The following ESYT3 variants were observed in gnomAD, a reference collection of about 807,000 sequenced individuals.
ESYT3 encodes extended synaptotagmin 3, also known as extended synaptotagmin-3.
In ESYT3, 101 loss-of-function variants were observed where a neutral mutation model predicts 111.5. The observed-to-expected ratio is 0.91, with a 90% CI of 0.77 to 1.07. The LOEUF is 1.07. Ranked by LOEUF, ESYT3 falls within the 50% of genes least tolerant of loss-of-function variation. The pLI is 0.00. For missense variants in ESYT3, 1,097 were observed against 1,109.4 expected, an observed-to-expected ratio of 0.99 and a Z score of 0.16; for synonymous variants, 416 against 446.8, an observed-to-expected ratio of 0.93 and a Z score of 0.87.
At position 138,473,556 on chromosome 3, in the gene ESYT3, G is replaced by A. The variant is rs758095653; in HGVS notation, c.2258G>A (p.Arg753Gln). ...TACAGAGGTGGGGACCTCAGGCGACGGCAGCTGGGTGAGATTCAGCTCACA... is the reference window on the plus strand; with the variant it reads ...TACAGAGGTGGGGACCTCAGGCGACAGCAGCTGGGTGAGATTCAGCTCACA... ...LNIEGGDLRR[R>Q]QLGEIQLTVR... is the part of the protein sequence containing the mutation. Residue 753 changes from arginine to glutamine, a missense_variant, in exon 19 of 23, where the codon CGG becomes CAG. Arg to Gln is a conservative substitution (Grantham distance 43). Transcript: ENST00000389567. The A allele has an allele frequency of 9.9e-6, 16 of 1,613,582 alleles. No individual in the cohort carries two copies. The highest frequency in any genetic ancestry group is 1.3e-5 in the African/African-American group (1 of 75,024).
intron 9 of ESYT3, 36 bp downstream of exon 9, chr3:138,464,551 T>G (rs2032826795): frequency 6.2e-7 from 1 of 1,610,882 alleles, no homozygotes; most frequent in Admixed American, 1.7e-5. Context: ...GCCTTCACTC[T>G]GAGTCATGCT....
At chr3:138,456,776 T>G (rs1481665878) in intron 3 of ESYT3, among the ~76,000 whole-genome samples, 4 of 152,070 alleles carry the variant, frequency 2.6e-5, no homozygotes, top group Non-Finnish European at 5.9e-5. Flanking sequence ...TGTGGGAAAA[T>G]TGTCTTCCAA....
chr3:138,466,992 C>G (rs916325180), intron 10 of ESYT3, among the ~76,000 whole-genome samples: 1 of 152,148 alleles, frequency 6.6e-6, no homozygotes, highest in Non-Finnish European at 1.5e-5. Flanking sequence ...CCAAACACCT[C>G]TCACTAGGCC....
chr3:138,435,236 C>T lies in ESYT3; in HGVS notation c.327+111C>T. The T allele has an allele frequency of 9.1e-7, 1 of 1,093,544 alleles. No homozygotes were observed. The highest frequency in any genetic ancestry group is 1.3e-6 in the Non-Finnish European group (1 of 783,854). 67.7% of individuals were successfully genotyped at this position (1,093,544 alleles called of 1,614,324 possible). A position where few individuals can be genotyped will look rare whatever the true frequency, so the allele number is the denominator to read the frequency against. On this transcript the variant is annotated intron_variant, in intron 1 of 22. Coordinates refer to ENST00000389567, the MANE Select transcript of ESYT3 (RefSeq NM_031913.5). This position sits in a 1 kb window ranked among gnomAD's most constrained non-coding sequence, Gnocchi z 4.8. The stretch of plus-strand genomic sequence containing the variant: ...GCAAACCCGAGGCAGGGCGGGAGCC[C>T]GGCGACCTGCACACCCCGTTCCCCA...
intron 1 of ESYT3, among the ~76,000 whole-genome samples, chr3:138,443,236 C>G: frequency 6.6e-6 from 1 of 152,144 alleles, no homozygotes; most frequent in East Asian, 1.9e-4. Flanking sequence ...CAGAACAGTG[C>G]CAGACAGATT....
chr3:138,472,307 C>A, intron 17 of ESYT3, 56 bp from the exon 18 acceptor site: 1 of 1,574,258 alleles, frequency 6.4e-7, no homozygotes, highest in Non-Finnish European at 8.6e-7. Flanking sequence ...GAAACAATGG[C>A]TGAGGTTGTG....
In ESYT3 at chr3:138,435,169, C is replaced by T; in HGVS notation, c.327+44C>T. The T allele has an allele frequency of 6.7e-7, 1 of 1,490,852 alleles. No individual in the cohort carries two copies. Among genetic ancestry groups the T allele is most frequent in the Admixed American group, 2.1e-5 (1 of 47,604 alleles). The allele number at this position is 1,490,852 out of a possible 1,614,324, so 92.4% of individuals were successfully genotyped here. A position where few individuals can be genotyped will look rare whatever the true frequency, so the allele number is the denominator to read the frequency against. ...GAGTGGGAGGTGGGGAGATGCCTTT[C>T]GAGGTTCGGAGGAACTTGCGGTCAG... On this transcript the variant is annotated intron_variant, in intron 1 of 22. Transcript: ENST00000389567. The surrounding 1 kb of genome is among the most constrained non-coding windows in gnomAD (Gnocchi z 4.8).
chr3:138,468,045 G>C (rs1263293945), intron 11 of ESYT3, 60 bp from the exon 12 acceptor site: 4 of 1,520,646 alleles, frequency 2.6e-6, no homozygotes, highest in Non-Finnish European at 3.6e-6. Flanking sequence ...GGGCTGCCCA[G>C]AGAGCATCAG....
rs2033636948 is a variant in ESYT3 at position 138,479,628 on chromosome 3, ATC to A, written c.*2775_*2776del. On this transcript the variant is annotated 3_prime_UTR_variant, in exon 23 of 23. Coordinates refer to ENST00000389567, the MANE Select transcript of ESYT3 (RefSeq NM_031913.5). ...TAATTGGCATACAGAGCTGTTCTCA[ATC>A]AATCACCTAAGTACCCCCACAGTTT... 1 of 25,650 alleles carries A rather than the reference ATC, an allele frequency of 3.9e-5. No homozygotes were observed. The highest frequency in any genetic ancestry group is 5.7e-4 in the Admixed American group (1 of 1,754). The allele number at this position is 25,650 out of a possible 1,614,324, so 1.6% of individuals were successfully genotyped here.
chr3:138,450,280 T>C (rs1210939992), intron 1 of ESYT3, among the ~76,000 whole-genome samples: 2 of 152,188 alleles, frequency 1.3e-5, no homozygotes, highest in African/African-American at 2.4e-5. Context: ...TACTGGGCAG[T>C]GTAATAGGAA....
At chr3:138,466,414 A>G (rs2032930659) in intron 10 of ESYT3, among the ~76,000 whole-genome samples, 1 of 152,238 alleles carries the variant, frequency 6.6e-6, no homozygotes, top group African/African-American at 2.4e-5. Flanking sequence ...CTGGATGTTA[A>G]TACACATAGA....
rs756595427 is a variant in ESYT3 at position 138,470,192 on chromosome 3, A to G, written c.1590+46A>G. ...TTGAAACAGAGTTAAGAGGTTTTTA[A>G]GCCAGGCGGGCTGGGAAGCTTGAAG... is the stretch of plus-strand genomic sequence containing the variant. On this transcript the variant is annotated intron_variant, in intron 16 of 22. Coordinates refer to ENST00000389567, the MANE Select transcript of ESYT3 (RefSeq NM_031913.5). 2.2e-5 allele frequency: 35 copies of G among 1,585,648 alleles called. No homozygotes were observed. In the East Asian group the frequency reaches 7.8e-4, roughly 35 times the overall value.
chr3:138,451,484 A>G (rs1478688857), intron 1 of ESYT3, among the ~76,000 whole-genome samples: 1 of 152,206 alleles, frequency 6.6e-6, no homozygotes, highest in Non-Finnish European at 1.5e-5. Context: ...CGGAGACTGC[A>G]TATTGTTTGT....
intron 1 of ESYT3, among the ~76,000 whole-genome samples, chr3:138,437,021 G>T (rs1409231734): frequency 1.3e-5 from 2 of 152,058 alleles, no homozygotes; most frequent in African/African-American, 4.8e-5. Context: ...GACCCCAGGA[G>T]CAATATGGAC....
intron 11 of ESYT3, 98 bp downstream of exon 11, chr3:138,467,707 T>TG (rs1282255038): frequency 3.4e-5 from 39 of 1,134,166 alleles, no homozygotes; most frequent in Middle Eastern, 5.1e-4. Flanking sequence ...TCCTATGCTG[T>TG]GGTCCCCCTC....
At chr3:138,458,213 C>T (rs1217335885) in intron 4 of ESYT3, among the ~76,000 whole-genome samples, 1 of 152,196 alleles carries the variant, frequency 6.6e-6, no homozygotes, top group Non-Finnish European at 1.5e-5. Flanking sequence ...CATTCCTTTC[C>T]CATGTCTCAT....
chr3:138,474,144 C>T (rs1576470219), intron 19 of ESYT3, 77 bp from the exon 20 acceptor site: 14 of 1,560,296 alleles, frequency 9.0e-6, no homozygotes, highest in South Asian at 3.6e-5. Context: ...CTCTCAAACA[C>T]TGAAACTCTC....
chr3:138,468,984 A>C (rs2033081114), intron 14 of ESYT3, 103 bp downstream of exon 14: 1 of 1,233,358 alleles, frequency 8.1e-7, no homozygotes, highest in Non-Finnish European at 1.2e-6. Context: ...CTGTGCACAC[A>C]CAGCCTGGGG....
At chr3:138,476,103 T>G in intron 20 of ESYT3, 120 bp from the exon 21 acceptor site, 4 of 670,070 alleles carry the variant, frequency 6.0e-6, no homozygotes, top group Non-Finnish European at 8.0e-6. Context: ...CCAGTCCTGC[T>G]CTAGGTGCTC....
Sources: allele counts gnomAD v4.1 joint callset (sites outside exome capture counted in the v4.1 genomes callset), GRCh38; gene constraint gnomAD v4.1.1; non-coding constraint Gnocchi (gnomAD v3.1); transcripts MANE v1.5; gene names NCBI Gene and HGNC (gene_info 2026-07-23, HGNC 2026-07-21).